The following MAP4K5 variants were observed in gnomAD, a reference collection of about 807,000 sequenced individuals.
MAP4K5 encodes mitogen-activated protein kinase kinase kinase kinase 5.
In MAP4K5, 82 loss-of-function variants were observed where a neutral mutation model predicts 135.6. The observed-to-expected ratio is 0.60, with a 90% CI of 0.51 to 0.73. MAP4K5 has a LOEUF of 0.73. MAP4K5 is among the 30% of genes least tolerant of loss of function. The pLI is 0.00. For missense variants in MAP4K5, 907 were observed against 1,010.9 expected (o/e 0.90, Z 1.39); for synonymous variants, 347 against 335.0 (o/e 1.04, Z -0.39).
At chr14:50,509,768 T>C (rs2037892667) in intron 2 of MAP4K5, among the ~76,000 whole-genome samples, 1 of 151,942 alleles carries the variant, frequency 6.6e-6, no homozygotes, top group African/African-American at 2.4e-5. Context: ...TAAATGTCAG[T>C]ACCCTGGTTT....
intron 3 of MAP4K5, among the ~76,000 whole-genome samples, chr14:50,502,533 A>G (rs2037728562): frequency 6.6e-6 from 1 of 152,158 alleles, no homozygotes; most frequent in African/African-American, 2.4e-5. Flanking sequence ...TGAATAAGAA[A>G]AAACCTTTAC....
At chr14:50,502,579 T>A (rs2037729722) in intron 3 of MAP4K5, among the ~76,000 whole-genome samples, 2 of 152,140 alleles carry the variant, frequency 1.3e-5, no homozygotes, top group African/African-American at 2.4e-5. Context: ...CATTAATCTA[T>A]GTGCCTTTTT....
At chr14:50,429,047 G>A in intron 29 of MAP4K5, 145 bp downstream of exon 29, 2 of 584,134 alleles carry the variant, frequency 3.4e-6, no homozygotes, top group Non-Finnish European at 5.9e-6. Context: ...TTAGCCATAA[G>A]AGGTGATTTT....
At chr14:50,479,624 G>A (rs2037192650) in intron 6 of MAP4K5, among the ~76,000 whole-genome samples, 1 of 152,066 alleles carries the variant, frequency 6.6e-6, no homozygotes, top group Non-Finnish European at 1.5e-5. Context: ...AGTTATAACT[G>A]TTTTAATGTT....
At chr14:50,448,494 G>T (rs2036409044) in intron 15 of MAP4K5, among the ~76,000 whole-genome samples, 1 of 151,316 alleles carries the variant, frequency 6.6e-6, no homozygotes, top group Non-Finnish European at 1.5e-5. Flanking sequence ...GGTCCTAAGA[G>T]CTTAAAGCTG....
chr14:50,462,890 G>C, intron 12 of MAP4K5, 109 bp from the exon 13 acceptor site: 1 of 651,052 alleles, frequency 1.5e-6, no homozygotes, highest in Non-Finnish European at 2.7e-6. Flanking sequence ...AAGTATATGG[G>C]AGTCTACTAA....
intron 1 of MAP4K5, among the ~76,000 whole-genome samples, chr14:50,556,009 A>G (rs752115951): frequency 5.7e-4 from 87 of 152,226 alleles, no homozygotes; most frequent in Non-Finnish European, 1.6e-4. Flanking sequence ...AATTGAGGAT[A>G]CAGGGGGAAG....
intron 6 of MAP4K5, among the ~76,000 whole-genome samples, chr14:50,480,229 C>A (rs1040082992): frequency 6.6e-6 from 1 of 151,642 alleles, no homozygotes; most frequent in Non-Finnish European, 1.5e-5. Flanking sequence ...TTGGTACAGG[C>A]GGCAATGTGA....
At chr14:50,507,103 A>G (rs2037826763) in intron 2 of MAP4K5, among the ~76,000 whole-genome samples, 1 of 152,224 alleles carries the variant, frequency 6.6e-6, no homozygotes, top group African/African-American at 2.4e-5. Flanking sequence ...ATGTGTTAGA[A>G]GATGAATTCC....
At chr14:50,538,255 C>T (rs1196095562) in intron 2 of MAP4K5, among the ~76,000 whole-genome samples, 1 of 152,220 alleles carries the variant, frequency 6.6e-6, no homozygotes, top group African/African-American at 2.4e-5. Context: ...ACTTGCTCCT[C>T]CTTGCCTTCT....
Position 50,447,423 on chromosome 14 carries a change from T to G in MAP4K5, c.1133A>C (p.Asn378Thr), listed in dbSNP as rs367893012. 37 of 1,547,224 alleles carry G rather than the reference T, an allele frequency of 2.4e-5. No homozygotes were observed. The highest frequency in any genetic ancestry group is 2.8e-5 in the Non-Finnish European group (32 of 1,143,292). The change falls in exon 16 of 33, where the codon AAT becomes ACT. Residue 378 changes from asparagine (N) to threonine (T), a missense_variant. Transcript: ENST00000682126. Reference protein sequence around the residue: ...LQWNPFVDGANTGKSTSKRAI... With the variant: ...LQWNPFVDGATTGKSTSKRAI... ...TTAGAAAACAACTTACTTGCCAGTA[T>G]TTGCACCATCAACAAAAGGATTCCA...
chr14:50,455,431 C>T (rs2036578050), intron 14 of MAP4K5, among the ~76,000 whole-genome samples: 1 of 151,938 alleles, frequency 6.6e-6, no homozygotes, highest in African/African-American at 2.4e-5. Flanking sequence ...TGTTACTTTT[C>T]TCTTTAGTAT....
chr14:50,527,467 G>T (rs1235179200), intron 2 of MAP4K5, among the ~76,000 whole-genome samples: 2 of 151,502 alleles, frequency 1.3e-5, no homozygotes, highest in African/African-American at 2.4e-5. Context: ...GAAAATGCTG[G>T]TCATTTCAAT....
chr14:50,459,136 A>T (rs2036655719), intron 13 of MAP4K5, among the ~76,000 whole-genome samples: 1 of 152,144 alleles, frequency 6.6e-6, no homozygotes, highest in Non-Finnish European at 1.5e-5. Flanking sequence ...TTTAGTCCAA[A>T]CTTTTCTCTC....
intron 11 of MAP4K5, 105 bp from the exon 12 acceptor site, chr14:50,464,238 T>G: frequency 1.6e-6 from 1 of 617,130 alleles, no homozygotes; most frequent in Non-Finnish European, 2.9e-6. Flanking sequence ...CCATGATTTT[T>G]TATTGGGCCA....
chr14:50,532,822 T>G (rs1225886909), upstream of MAP4K5: 1 of 152,370 alleles, frequency 6.6e-6, no homozygotes, highest in East Asian at 1.9e-4. Context: ...GGCACACGCC[T>G]GGGCATTCGT....
At chr14:50,536,937 A>G (rs2038500451), upstream of MAP4K5, among the ~76,000 whole-genome samples, 1 of 152,262 alleles carries the variant, frequency 6.6e-6, no homozygotes, top group African/African-American at 2.4e-5. Context: ...TACAATGGAA[A>G]AGAAAATCCC....
chr14:50,432,951 C>T (rs1413869698), intron 28 of MAP4K5, among the ~76,000 whole-genome samples: 1 of 152,110 alleles, frequency 6.6e-6, no homozygotes, highest in Non-Finnish European at 1.5e-5. Flanking sequence ...GATTCTCCTG[C>T]CTCAGCCTCC....
chr14:50,451,482 T>C (rs1037212219), intron 14 of MAP4K5, among the ~76,000 whole-genome samples: 4 of 151,998 alleles, frequency 2.6e-5, no homozygotes, highest in African/African-American at 7.2e-5. Context: ...CAGCCCAAGA[T>C]AGAATACAAA....
Sources: allele counts gnomAD v4.1 joint callset (sites outside exome capture counted in the v4.1 genomes callset), GRCh38; gene constraint gnomAD v4.1.1; transcripts MANE v1.5; gene names NCBI Gene and HGNC (gene_info 2026-07-23, HGNC 2026-07-21).